SEC61A1: variants seen among roughly 807,000 people sequenced by gnomAD.
The protein encoded by SEC61A1 is SEC61 translocon subunit alpha 1.
A neutral mutation model predicts 55.2 loss-of-function variants in SEC61A1; 15 were observed. That is an observed-to-expected ratio of 0.27 (90% CI 0.18 to 0.42). The LOEUF (loss-of-function observed/expected upper bound fraction) is 0.42, where lower values mean the gene tolerates loss of function less well. Among genes scored for constraint, SEC61A1 ranks in the 10% least tolerant of loss-of-function variants. The pLI, the probability that SEC61A1 is intolerant of heterozygous loss-of-function variation, is 1.00. For missense variants in SEC61A1, 284 were observed against 602.6 expected (o/e 0.47, Z 5.53); for synonymous variants, 247 against 234.0 (o/e 1.06, Z -0.51).
At position 128,069,942 on chromosome 3, in the gene SEC61A1, T is replaced by C. The variant is rs1045331100; in HGVS notation, c.*280T>C. 1 of 336,720 alleles carries C rather than the reference T, an allele frequency of 3.0e-6. No individual in the cohort carries two copies. The highest frequency in any genetic ancestry group is 5.4e-6 in the Non-Finnish European group (1 of 184,180). 20.9% of individuals were successfully genotyped at this position (336,720 alleles called of 1,614,324 possible). ...TGTCCCCAAGTGTCCATGTAACTTT[T>C]GTTTTAACCTTTGCACCTTCTCAGT... On this transcript the variant is annotated 3_prime_UTR_variant, in exon 12 of 12. Transcript: ENST00000243253.
intron 7 of SEC61A1, 82 bp downstream of exon 7, chr3:128,060,743 C>G: frequency 7.4e-7 from 1 of 1,359,604 alleles, no homozygotes; most frequent in Admixed American, 2.5e-5. Flanking sequence ...AAAAATCCCC[C>G]CATTCCACAG....
chr3:128,059,449 G>C (rs1576420588), intron 5 of SEC61A1, among the ~76,000 whole-genome samples: 1 of 151,658 alleles, frequency 6.6e-6, no homozygotes, highest in East Asian at 1.9e-4. Context: ...CTCCAGCCTG[G>C]GCGACAGAGA....
rs370497077 is a variant in SEC61A1 at position 128,069,412 on chromosome 3, T to C, written c.1245-64T>C. The C allele has an allele frequency of 7.4e-5, 112 of 1,504,942 alleles. No individual in the cohort carries two copies. The African/African-American group carries it at 1.2e-3, about 17-fold the overall frequency. 93.2% of individuals were successfully genotyped at this position (1,504,942 alleles called of 1,614,324 possible). ...GGTCCCAAAGTCTCAGGTGAGCCTG[T>C]TGGCCGCCTGGCTCACGGGGAGCTC... On this transcript the variant is annotated intron_variant, in intron 11 of 11. Coordinates refer to ENST00000243253, the MANE Select transcript of SEC61A1 (RefSeq NM_013336.4).
Position 128,055,924 on chromosome 3 carries a change from A to G in SEC61A1, c.220+173A>G, listed in dbSNP as rs533292099. 7.9e-5 allele frequency among the ~76,000 whole-genome samples: 12 copies of G among 152,398 alleles called. No individual in the cohort carries two copies. In the South Asian group the frequency reaches 2.5e-3, roughly 32 times the overall value. On this transcript the variant is annotated intron_variant, in intron 4 of 11. Transcript: ENST00000243253. ...TTATTAAATGCTGAGTTCAGCACCAAGGCATACCATCATATTTGGAATTGT... is the reference window on the plus strand; with the variant it reads ...TTATTAAATGCTGAGTTCAGCACCAGGGCATACCATCATATTTGGAATTGT...
chr3:128,061,190 T>G (rs1042404832), intron 7 of SEC61A1, among the ~76,000 whole-genome samples: 2 of 152,226 alleles, frequency 1.3e-5, no homozygotes, highest in Non-Finnish European at 2.9e-5. Context: ...CATACATACG[T>G]GGCTTTGGGC....
chr3:128,067,094 A>G lies in SEC61A1; in HGVS notation c.918A>G (p.Gln306=), dbSNP rs750146576. The stretch of plus-strand genomic sequence containing the variant: ...TGTCCAACCTTTATGTCATCTCCCA[A>G]ATGCTCTCAGCTCGCTTCAGTGGCA... The part of the protein sequence containing the change: ...ALVSNLYVIS[Q]MLSARFSGNL... The change falls in exon 9 of 12, where the codon CAA becomes CAG. Residue 306 remains glutamine (Q), a synonymous_variant. Transcript: ENST00000243253. The surrounding 1 kb of genome is among the most constrained non-coding windows in gnomAD (Gnocchi z 4.1). 11 of 1,614,002 alleles carry G rather than the reference A, an allele frequency of 6.8e-6. No homozygotes were observed. The highest frequency in any genetic ancestry group is 8.5e-6 in the Non-Finnish European group (10 of 1,180,004).
intron 1 of SEC61A1, 22 bp downstream of exon 1, chr3:128,052,581 T>C: frequency 6.3e-7 from 1 of 1,594,350 alleles, no homozygotes; most frequent in Non-Finnish European, 8.5e-7. Context: ...AGGGAAGCCC[T>C]ATTGAGGCCG....
chr3:128,056,797 T>C lies in SEC61A1; in HGVS notation c.309T>C (p.Gly103=). The C allele has an allele frequency of 6.2e-7, 1 of 1,610,634 alleles. No individual in the cohort carries two copies. Among genetic ancestry groups the C allele is most frequent in the South Asian group, 1.1e-5 (1 of 90,572 alleles). ...LLAGAKIIEV[G]DTPKDRALFN... is the part of the protein sequence containing the mutation. ...CTGGCGCCAAGATAATTGAAGTTGG[T>C]GACACCCCAAAAGACCGAGCTCTCT... The change falls in exon 5 of 12, where the codon GGT becomes GGC. Residue 103 remains glycine (G), a synonymous_variant. Transcript: ENST00000243253.
At chr3:128,058,102 G>C (rs1941798976) in intron 5 of SEC61A1, among the ~76,000 whole-genome samples, 1 of 151,252 alleles carries the variant, frequency 6.6e-6, no homozygotes, top group African/African-American at 2.4e-5. Context: ...ATTAGGAAAT[G>C]ATATTTACAG....
At chr3:128,054,443 T>G (rs1333093513) in intron 2 of SEC61A1, among the ~76,000 whole-genome samples, 2 of 152,220 alleles carry the variant, frequency 1.3e-5, no homozygotes, top group Non-Finnish European at 2.9e-5. Flanking sequence ...AGGACCATTC[T>G]CAAGAGAAGA....
At chr3:128,059,969 C>A in intron 5 of SEC61A1, 133 bp from the exon 6 acceptor site, 1 of 645,324 alleles carries the variant, frequency 1.5e-6, no homozygotes, top group Non-Finnish European at 2.8e-6. Flanking sequence ...CTCAGCCGAG[C>A]CCCTTGGAGG....
rs1042774928 is a variant in SEC61A1 at position 128,067,242 on chromosome 3, A to G, written c.975+91A>G. On this transcript the variant is annotated intron_variant, in intron 9 of 11. Transcript: ENST00000243253. The surrounding 1 kb of genome is among the most constrained non-coding windows in gnomAD (Gnocchi z 4.1). ...TGCTCATGAACAGATATTTCATCCA[A>G]AGATATTTTCCATTGTGCCTTTTAC... The G allele has an allele frequency of 2.9e-6, 4 of 1,382,982 alleles. No homozygotes were observed. The South Asian group carries it at 3.7e-5, about 13-fold the overall frequency. The allele number at this position is 1,382,982 out of a possible 1,614,324, so 85.7% of individuals were successfully genotyped here.
At chr3:128,065,353 GA>G (rs1255668529) in intron 8 of SEC61A1, 3 of 581,488 alleles carry the variant, frequency 5.2e-6, no homozygotes, top group Non-Finnish European at 9.1e-6. Context: ...CTCTAGCTCT[GA>G]AACCTCATTG....
intron 7 of SEC61A1, among the ~76,000 whole-genome samples, chr3:128,064,419 T>C (rs772894696): frequency 1.3e-5 from 2 of 151,954 alleles, no homozygotes; most frequent in East Asian, 1.9e-4. Context: ...GGCGGGAGGA[T>C]TGCTTGAGGT....
chr3:128,060,058 G>A, intron 5 of SEC61A1, 44 bp from the exon 6 acceptor site: 1 of 1,395,894 alleles, frequency 7.2e-7, no homozygotes, highest in South Asian at 1.2e-5. Context: ...CTTTTGTTCT[G>A]TGTAGTGACC....
intron 8 of SEC61A1, chr3:128,066,628 T>G (rs1941989036): frequency 3.0e-6 from 1 of 336,540 alleles, no homozygotes; most frequent in African/African-American, 2.1e-5. Context: ...CTGACTGTGT[T>G]GCCCAGGCTG....
At chr3:128,053,852 A>G (rs1941729049) in intron 2 of SEC61A1, among the ~76,000 whole-genome samples, 2 of 152,302 alleles carry the variant, frequency 1.3e-5, no homozygotes, top group South Asian at 2.1e-4. Context: ...AATACGTGCA[A>G]GGTATAGCAG....
chr3:128,062,785 G>A lies in SEC61A1; in HGVS notation c.617-2092G>A, dbSNP rs557757140. Among the ~76,000 whole-genome samples the A allele has an allele frequency of 8.5e-5, 13 of 152,322 alleles. No homozygotes were observed. The South Asian group carries it at 2.5e-3, about 29-fold the overall frequency. ...CACTTGCTTTTTAGTCATGGGAGGA[G>A]TAAAAGTGAAAGTTGGAAGATTTGT... On this transcript the variant is annotated intron_variant, in intron 7 of 11. Coordinates refer to ENST00000243253, the MANE Select transcript of SEC61A1 (RefSeq NM_013336.4).
upstream of SEC61A1, chr3:128,051,899 C>G: frequency 1.3e-6 from 2 of 1,535,872 alleles, no homozygotes; most frequent in Non-Finnish European, 1.7e-6. Flanking sequence ...ACTCAGACAG[C>G]GAGGGTGCTC....
Sources: gnomAD v4.1 joint callset for allele counts (sites outside exome capture counted in the v4.1 genomes callset) on GRCh38, gnomAD v4.1.1 for gene constraint, Gnocchi (gnomAD v3.1) non-coding constraint, MANE v1.5 for transcripts, NCBI Gene and HGNC (gene_info 2026-07-23, HGNC 2026-07-21) for gene names.